The following ADCY2 variants were observed in gnomAD, a reference collection of about 807,000 sequenced individuals.
The protein encoded by ADCY2 is adenylate cyclase 2.
In ADCY2, 31 loss-of-function variants were observed where a neutral mutation model predicts 125.2. That is an observed-to-expected ratio of 0.25 (90% CI 0.19 to 0.33). ADCY2 has a LOEUF of 0.33. Among genes scored for constraint, ADCY2 ranks in the 10% least tolerant of loss-of-function variants. The pLI, the probability that ADCY2 is intolerant of heterozygous loss-of-function variation, is 1.00. For synonymous variants in ADCY2, 512 were observed against 548.4 expected (o/e 0.93, Z 0.93); for missense variants, 904 against 1,418.2 (o/e 0.64, Z 5.82).
At chr5:7,772,888 A>G in intron 17 of ADCY2, 44 bp from the exon 18 acceptor site, 1 of 1,585,524 alleles carries the variant, frequency 6.3e-7, no homozygotes, top group Admixed American at 1.7e-5. Context: ...AGCATTTCTC[A>G]GAAGAGATCC....
At chr5:7,564,457 A>G (rs1023835442) in intron 3 of ADCY2, among the ~76,000 whole-genome samples, 1 of 152,126 alleles carries the variant, frequency 6.6e-6, no homozygotes, top group African/African-American at 2.4e-5. Context: ...CTCTGCATAT[A>G]TTAACCCATT....
At chr5:7,606,572 A>AC (rs1737382845) in intron 3 of ADCY2, among the ~76,000 whole-genome samples, 1 of 152,192 alleles carries the variant, frequency 6.6e-6, no homozygotes, top group African/African-American at 2.4e-5. Context: ...TGAAGGCTCT[A>AC]CCCGGGCACA....
intron 4 of ADCY2, among the ~76,000 whole-genome samples, chr5:7,631,767 T>C (rs1486498827): frequency 1.3e-5 from 2 of 152,134 alleles, no homozygotes; most frequent in African/African-American, 4.8e-5. Context: ...TCCCCAAAGA[T>C]CCCTCCAGGG....
rs182430095 is a variant in ADCY2 at position 7,546,463 on chromosome 5, G to A, written c.570+25564G>A. Among the ~76,000 whole-genome samples the A allele has an allele frequency of 9.9e-5, 15 of 152,266 alleles. No individual in the cohort carries two copies. The East Asian group carries it at 2.3e-3, about 24-fold the overall frequency. On this transcript the variant is annotated intron_variant, in intron 3 of 24. Coordinates refer to ENST00000338316, the MANE Select transcript of ADCY2 (RefSeq NM_020546.3). ...AGACCGAGCCTGGGAGAGATGAAGC[G>A]ACTGGCCCAGGGCACACAGTGTGGA...
chr5:7,435,765 C>T (rs1244823451), intron 2 of ADCY2, among the ~76,000 whole-genome samples: 3 of 152,152 alleles, frequency 2.0e-5, no homozygotes, highest in East Asian at 3.9e-4. Context: ...GCTTTACTCA[C>T]GATGCTGGGA....
chr5:7,677,408 C>T (rs1450631862), intron 4 of ADCY2, among the ~76,000 whole-genome samples: 1 of 152,178 alleles, frequency 6.6e-6, no homozygotes, highest in East Asian at 1.9e-4. Flanking sequence ...TGAACGGTTC[C>T]TCTCCACGAT....
At chr5:7,489,616 C>T (rs1743084412) in intron 2 of ADCY2, among the ~76,000 whole-genome samples, 1 of 152,192 alleles carries the variant, frequency 6.6e-6, no homozygotes, top group South Asian at 2.1e-4. Flanking sequence ...TCATCTTCCA[C>T]CATGATTGTG....
At chr5:7,819,431 G>A (rs1745224979) in intron 23 of ADCY2, among the ~76,000 whole-genome samples, 1 of 152,162 alleles carries the variant, frequency 6.6e-6, no homozygotes, top group African/African-American at 2.4e-5. Flanking sequence ...TACCTCCAAC[G>A]TGCCATTTTC....
chr5:7,740,694 C>G (rs954095389), intron 14 of ADCY2, among the ~76,000 whole-genome samples: 1 of 151,958 alleles, frequency 6.6e-6, no homozygotes, highest in Non-Finnish European at 1.5e-5. Context: ...ATTTAAAATT[C>G]AGACTTCTGA....
At chr5:7,602,999 G>C (rs955602180) in intron 3 of ADCY2, among the ~76,000 whole-genome samples, 2 of 152,174 alleles carry the variant, frequency 1.3e-5, no homozygotes, top group African/African-American at 4.8e-5. Context: ...GTCTGGAGGA[G>C]CCCATTGGCT....
At chr5:7,504,463 C>T (rs575660368) in intron 2 of ADCY2, among the ~76,000 whole-genome samples, 9 of 152,232 alleles carry the variant, frequency 5.9e-5, no homozygotes, top group South Asian at 2.1e-4. Flanking sequence ...TGGAACACAA[C>T]GCCTATGAAG....
At chr5:7,525,111 T>C (rs1384789230) in intron 3 of ADCY2, among the ~76,000 whole-genome samples, 2 of 152,160 alleles carry the variant, frequency 1.3e-5, no homozygotes, top group Non-Finnish European at 2.9e-5. Context: ...CAAGCAATTC[T>C]CCTGTCTCAG....
chr5:7,567,740 C>T (rs773776988), intron 3 of ADCY2, among the ~76,000 whole-genome samples: 3 of 152,132 alleles, frequency 2.0e-5, no homozygotes, highest in Non-Finnish European at 4.4e-5. Context: ...TATAGAAGTA[C>T]ATAACATTTA....
Position 7,760,916 on chromosome 5 carries a change from C to G in ADCY2, c.2094+3330C>G, listed in dbSNP as rs115343917. 5.9e-3 allele frequency among the ~76,000 whole-genome samples: 894 copies of G among 152,258 alleles called. 6 individuals are homozygous for G. Among genetic ancestry groups the G allele is most frequent in the African/African-American group, 0.021 (853 of 41,546 alleles). ...TACATCTCCCCATTTCCTGGCCTCC[C>G]CAACACCTGGTAACCACCATTCTAC... On this transcript the variant is annotated intron_variant, in intron 16 of 24. Transcript: ENST00000338316.
At position 7,602,498 on chromosome 5, in the gene ADCY2, C is replaced by A. The variant is rs553440662; in HGVS notation, c.571-23669C>A. On this transcript the variant is annotated intron_variant, in intron 3 of 24. Transcript: ENST00000338316. Reference sequence around the variant, plus strand: ...GGGCAGCCTCACTCTTACCTTTCAACATTTTGCCCAAGTTCTACCTACAAG... The same window carrying A: ...GGGCAGCCTCACTCTTACCTTTCAAAATTTTGCCCAAGTTCTACCTACAAG... Among the ~76,000 whole-genome samples, 150 of 152,288 alleles carry A rather than the reference C, an allele frequency of 9.8e-4. 1 individual carries two copies. The highest frequency in any genetic ancestry group is 7.5e-3 in the South Asian group (36 of 4,828).
intron 3 of ADCY2, among the ~76,000 whole-genome samples, chr5:7,606,802 A>G (rs1268746913): frequency 6.6e-6 from 1 of 152,256 alleles, no homozygotes; most frequent in Non-Finnish European, 1.5e-5. Flanking sequence ...GTATACATAC[A>G]TTATATGTAT....
chr5:7,686,444 G>T (rs936992622), intron 4 of ADCY2, among the ~76,000 whole-genome samples: 2 of 152,146 alleles, frequency 1.3e-5, no homozygotes, highest in African/African-American at 2.4e-5. Context: ...TTAACAAAGG[G>T]ATGTGTTAAA....
At chr5:7,580,559 A>AT (rs1259118556) in intron 3 of ADCY2, among the ~76,000 whole-genome samples, 2 of 152,208 alleles carry the variant, frequency 1.3e-5, no homozygotes, top group Non-Finnish European at 2.9e-5. Flanking sequence ...GAGAAAAATG[A>AT]TTTTTTTAAG....
chr5:7,670,824 C>T (rs1008769408), intron 4 of ADCY2, among the ~76,000 whole-genome samples: 14 of 152,148 alleles, frequency 9.2e-5, no homozygotes, highest in African/African-American at 2.7e-4. Flanking sequence ...GGAGCTCAAG[C>T]GGTAATGCTC....
Sources: gnomAD v4.1 joint callset for allele counts (sites outside exome capture counted in the v4.1 genomes callset) on GRCh38, gnomAD v4.1.1 for gene constraint, MANE v1.5 for transcripts, NCBI Gene and HGNC (gene_info 2026-07-23, HGNC 2026-07-21) for gene names.